WWOX: variants seen among roughly 807,000 people sequenced by gnomAD.
WWOX encodes the protein WW domain-containing oxidoreductase.
Under a neutral mutation model 46.2 loss-of-function variants are expected in WWOX, and 69 were observed. The ratio of observed to expected loss-of-function variants is 1.49; its 90% CI spans 1.23 to 1.82. The LOEUF (loss-of-function observed/expected upper bound fraction) is 1.82. WWOX is among the 40% of genes most tolerant of loss of function. The pLI is 0.00. For synonymous variants in WWOX, 359 were observed against 202.6 expected (o/e 1.77, Z -6.56); for missense variants, 919 against 542.6 (o/e 1.69, Z -6.89).
intron 8 of WWOX, among the ~76,000 whole-genome samples, chr16:78,639,096 C>G (rs974935738): frequency 7.2e-5 from 11 of 152,168 alleles, no homozygotes; most frequent in African/African-American, 2.7e-4. Flanking sequence ...AAAGACCAGT[C>G]TCCTGTCCCA....
At chr16:78,366,447 G>A (rs1191936222) in intron 5 of WWOX, among the ~76,000 whole-genome samples, 2 of 152,120 alleles carry the variant, frequency 1.3e-5, no homozygotes, top group African/African-American at 4.8e-5. Flanking sequence ...GGAATGGCAT[G>A]ACATTCTCCT....
intron 8 of WWOX, among the ~76,000 whole-genome samples, chr16:78,693,607 C>T (rs1408022530): frequency 1.3e-5 from 2 of 152,158 alleles, no homozygotes; most frequent in Non-Finnish European, 2.9e-5. Context: ...ACAATGTCAC[C>T]TGTCGGGAAC....
intron 5 of WWOX, among the ~76,000 whole-genome samples, chr16:78,332,271 A>G (rs1288457691): frequency 1.3e-5 from 2 of 152,188 alleles, no homozygotes; most frequent in East Asian, 3.9e-4. Flanking sequence ...CTATTTTAGA[A>G]TCTCTGCTTC....
At chr16:79,022,475 A>G (rs1381587674) in intron 8 of WWOX, among the ~76,000 whole-genome samples, 2 of 149,978 alleles carry the variant, frequency 1.3e-5, no homozygotes, top group East Asian at 3.9e-4. Context: ...GCCCTTTTAC[A>G]GCCTTTTCTC....
chr16:79,037,081 G>T (rs2550690), intron 8 of WWOX, among the ~76,000 whole-genome samples: 3 of 151,902 alleles, frequency 2.0e-5, no homozygotes, highest in East Asian at 1.9e-4. Context: ...TCAGACTCAG[G>T]GCGGGGCCTG....
intron 8 of WWOX, among the ~76,000 whole-genome samples, chr16:78,673,995 A>G (rs1474822671): frequency 6.6e-6 from 1 of 152,150 alleles, no homozygotes; most frequent in Non-Finnish European, 1.5e-5. Context: ...GAAGTTTACT[A>G]AAACCTGCAA....
chr16:78,332,340 C>G (rs1225167743), intron 5 of WWOX, among the ~76,000 whole-genome samples: 5 of 152,160 alleles, frequency 3.3e-5, no homozygotes, highest in Admixed American at 3.3e-4. Context: ...AAGAAACACC[C>G]CAGTGGATTA....
chr16:78,879,353 T>C (rs1286088006), intron 8 of WWOX, among the ~76,000 whole-genome samples: 2 of 152,220 alleles, frequency 1.3e-5, no homozygotes, highest in Non-Finnish European at 2.9e-5. Context: ...ATGTCAAAGA[T>C]GGTGTTTGCT....
At chr16:78,813,085 C>G (rs1163850459) in intron 8 of WWOX, among the ~76,000 whole-genome samples, 1 of 136,274 alleles carries the variant, frequency 7.3e-6, no homozygotes, top group Admixed American at 7.3e-5. Flanking sequence ...GAGATGTTTT[C>G]TTTTTTTTTT....
At chr16:78,597,321 C>T (rs1174057967) in intron 8 of WWOX, among the ~76,000 whole-genome samples, 8 of 152,086 alleles carry the variant, frequency 5.3e-5, no homozygotes, top group African/African-American at 7.2e-5. Flanking sequence ...TACTGTGTGC[C>T]GGGCACTGTA....
chr16:78,987,831 C>T (rs1432331096), intron 8 of WWOX, among the ~76,000 whole-genome samples: 1 of 152,136 alleles, frequency 6.6e-6, no homozygotes, highest in East Asian at 1.9e-4. Flanking sequence ...CAGGACTTTC[C>T]CACCTTGCTG....
chr16:78,419,211 C>T (rs1378805221), intron 6 of WWOX, among the ~76,000 whole-genome samples: 1 of 152,118 alleles, frequency 6.6e-6, no homozygotes, highest in African/African-American at 2.4e-5. Flanking sequence ...GCTGACCAAA[C>T]TCTGCAAATT....
intron 8 of WWOX, among the ~76,000 whole-genome samples, chr16:78,827,895 G>T (rs1292368926): frequency 2.0e-5 from 3 of 152,142 alleles, no homozygotes; most frequent in East Asian, 1.9e-4. Context: ...GTTATCTCAG[G>T]ATGGGAACCA....
At chr16:78,458,009 G>A (rs1037548446) in intron 8 of WWOX, among the ~76,000 whole-genome samples, 12 of 151,518 alleles carry the variant, frequency 7.9e-5, no homozygotes, top group East Asian at 3.9e-4. Flanking sequence ...CCTGGGAGGC[G>A]GAGGTTGCAG....
intron 8 of WWOX, among the ~76,000 whole-genome samples, chr16:79,190,820 T>C (rs552247016): frequency 1.3e-5 from 2 of 152,342 alleles, no homozygotes; most frequent in East Asian, 3.9e-4. Flanking sequence ...GTTGAGTACT[T>C]ATAAATGTAG....
chr16:78,859,033 T>A (rs1352747724), intron 8 of WWOX, among the ~76,000 whole-genome samples: 11 of 21,060 alleles, frequency 5.2e-4, no homozygotes, highest in African/African-American at 1.1e-3. Context: ...AAAAAATATA[T>A]ATATATATAT....
At chr16:78,772,191 C>G (rs143933014) in intron 8 of WWOX, among the ~76,000 whole-genome samples, 121 of 152,280 alleles carry the variant, frequency 7.9e-4, no homozygotes, top group African/African-American at 2.6e-3. Flanking sequence ...TCTCCTTCCT[C>G]TCTCCCTCTA....
chr16:78,342,346 C>T lies in WWOX; in HGVS notation c.517-44514C>T, dbSNP rs897627635. Among the ~76,000 whole-genome samples the T allele has an allele frequency of 2.5e-5, 3 of 120,930 alleles. 1 individual carries two copies. Among genetic ancestry groups the T allele is most frequent in the Non-Finnish European group, 5.9e-5 (3 of 50,584 alleles). 79.3% of individuals were successfully genotyped at this position (120,930 alleles called of 152,430 possible). A position where few individuals can be genotyped will look rare whatever the true frequency, so the allele number is the denominator to read the frequency against. ...TGGCTGGAAGGTCCACCCTACACAA[C>T]CACTCGTGAAGGCAGACTTGAAGGG... is the stretch of plus-strand genomic sequence containing the variant. On this transcript the variant is annotated intron_variant, in intron 5 of 8. Coordinates refer to ENST00000566780, the MANE Select transcript of WWOX (RefSeq NM_016373.4).
chr16:78,839,429 C>T (rs996645281), intron 8 of WWOX, among the ~76,000 whole-genome samples: 2 of 152,144 alleles, frequency 1.3e-5, no homozygotes, highest in Admixed American at 6.5e-5. Context: ...TGACAAAAGA[C>T]AGCAACAAGA....
Sources: gnomAD v4.1 joint callset for allele counts (sites outside exome capture counted in the v4.1 genomes callset) on GRCh38, gnomAD v4.1.1 for gene constraint, MANE v1.5 for transcripts, NCBI Gene and HGNC (gene_info 2026-07-23, HGNC 2026-07-21) for gene names.